The following ALDH2 variants were observed in gnomAD, a reference collection of about 807,000 sequenced individuals.
The protein encoded by ALDH2 is aldehyde dehydrogenase, mitochondrial.
ALDH2 carries 44 observed loss-of-function variants against 59.6 expected under a neutral mutation model. That is an observed-to-expected ratio of 0.74 (90% CI 0.58 to 0.95). The LOEUF (loss-of-function observed/expected upper bound fraction) is 0.95. Among genes scored for constraint, ALDH2 ranks in the 40% least tolerant of loss-of-function variants. ALDH2 has a pLI of 0.00. For missense variants in ALDH2, 570 were observed against 696.3 expected (o/e 0.82, Z 2.04); for synonymous variants, 291 against 284.0 (o/e 1.02, Z -0.25).
rs763568016 is a variant in ALDH2 at position 111,775,754 on chromosome 12, T to C, written c.115-6164T>C. ...AGCTTCGGGTTTCTGGTCAGGAGGT[T>C]ATAAAGCATTTGGCCCAGAGTCTGG... On this transcript the variant is annotated intron_variant, in intron 1 of 12. Coordinates refer to ENST00000261733, the MANE Select transcript of ALDH2 (RefSeq NM_000690.4). 1.8e-4 allele frequency: 79 copies of C among 447,612 alleles called. 1 individual carries two copies. Among genetic ancestry groups the C allele is most frequent in the South Asian group, 1.2e-3 (75 of 63,266 alleles). 27.7% of individuals were successfully genotyped at this position (447,612 alleles called of 1,614,324 possible). A position where few individuals can be genotyped will look rare whatever the true frequency, so the allele number is the denominator to read the frequency against.
At chr12:111,787,513 A>G (rs1425467190) in intron 4 of ALDH2, among the ~76,000 whole-genome samples, 1 of 152,212 alleles carries the variant, frequency 6.6e-6, no homozygotes, top group African/African-American at 2.4e-5. Flanking sequence ...GGGTGGACAG[A>G]TCATTTGTGT....
At chr12:111,791,919 A>G (rs1308748576) in intron 7 of ALDH2, 142 bp from the exon 8 acceptor site, 2 of 657,978 alleles carry the variant, frequency 3.0e-6, no homozygotes, top group Admixed American at 5.9e-5. Flanking sequence ...AAAAAAGTGA[A>G]CGTCTATTTG....
At position 111,792,148 on chromosome 12, in the gene ALDH2, AT is replaced by A. The variant is rs776136452; in HGVS notation, c.884del (p.Met295SerfsTer116). 6.2e-7 allele frequency: 1 copy of A among 1,605,466 alleles called. No individual in the cohort carries two copies. Among genetic ancestry groups the A allele is most frequent in the Admixed American group, 1.8e-5 (1 of 56,728 alleles). On this transcript the variant is annotated frameshift_variant, in exon 8 of 13. Transcript: ENST00000261733. LOFTEE classifies it high-confidence loss of function. Reference sequence around the variant, plus strand: ...GGGGGGGAAGAGCCCCAACATCATCATGTCAGATGCCGATAGTGAGTTTCCA... The same window carrying A: ...GGGGGGGAAGAGCCCCAACATCATCAGTCAGATGCCGATAGTGAGTTTCCA... ...ELGGKSPNII[M>X]SDADMDWAVE... is the part of the protein sequence containing the mutation.
At chr12:111,790,666 T>C in intron 6 of ALDH2, 104 bp downstream of exon 6, 1 of 1,477,366 alleles carries the variant, frequency 6.8e-7, no homozygotes, top group Non-Finnish European at 9.3e-7. Context: ...GGAGGTGTGT[T>C]TGTGGAGCCC....
intron 9 of ALDH2, among the ~76,000 whole-genome samples, chr12:111,797,761 G>T (rs1265160537): frequency 6.6e-6 from 1 of 152,194 alleles, no homozygotes; most frequent in African/African-American, 2.4e-5. Flanking sequence ...TGCTCTAAAG[G>T]CTGTACCAGT....
At chr12:111,809,120 T>C (rs1249665347) in intron 12 of ALDH2, among the ~76,000 whole-genome samples, 2 of 152,062 alleles carry the variant, frequency 1.3e-5, no homozygotes, top group Non-Finnish European at 2.9e-5. Flanking sequence ...AGATTTGAAA[T>C]AGAAATTCTG....
rs1469485981 is a variant in ALDH2 at position 111,766,953 on chromosome 12, G to A, written c.-30G>A. On this transcript the variant is annotated 5_prime_UTR_variant, in exon 1 of 13. Coordinates refer to ENST00000261733, the MANE Select transcript of ALDH2 (RefSeq NM_000690.4). The stretch of plus-strand genomic sequence containing the variant: ...GCCCTGAGACCCTAGCTCTGCTCTC[G>A]GTCCGCTCGCTGTCCGCTAGCCCGC... 5.3e-6 allele frequency: 8 copies of A among 1,511,202 alleles called. No homozygotes were observed. The highest frequency in any genetic ancestry group is 1.4e-5 in the African/African-American group (1 of 69,740). 93.6% of individuals were successfully genotyped at this position (1,511,202 alleles called of 1,614,324 possible). A position where few individuals can be genotyped will look rare whatever the true frequency, so the allele number is the denominator to read the frequency against.
At chr12:111,804,104 A>G in intron 12 of ALDH2, 131 bp downstream of exon 12, 1 of 547,924 alleles carries the variant, frequency 1.8e-6, no homozygotes, top group South Asian at 2.7e-5. Flanking sequence ...CCTGCCGGGG[A>G]CTCAGGGCCT....
At chr12:111,804,208 G>A (rs1194952990) in intron 12 of ALDH2, among the ~76,000 whole-genome samples, 1 of 152,132 alleles carries the variant, frequency 6.6e-6, no homozygotes, top group Non-Finnish European at 1.5e-5. Flanking sequence ...CATGCTTGAG[G>A]CCATCAGTGT....
At chr12:111,775,736 G>C (rs765696142) in intron 1 of ALDH2, 43 of 453,622 alleles carry the variant, frequency 9.5e-5, no homozygotes, top group African/African-American at 7.6e-4. Flanking sequence ...TCGAGCTTCG[G>C]GTTTCTGGTC....
intron 12 of ALDH2, among the ~76,000 whole-genome samples, chr12:111,805,989 C>T (rs1008661221): frequency 2.8e-5 from 4 of 141,808 alleles, no homozygotes; most frequent in Non-Finnish European, 6.1e-5. Flanking sequence ...CACCACTGCA[C>T]TCCAGCCTGG....
rs1020927818 is a variant in ALDH2 at position 111,810,671 on chromosome 12, G to C, written c.*1096G>C. 6.7e-6 allele frequency: 1 copy of C among 150,160 alleles called. No individual in the cohort carries two copies. The highest frequency in any genetic ancestry group is 2.1e-4 in the South Asian group (1 of 4,756). 9.3% of individuals were successfully genotyped at this position (150,160 alleles called of 1,614,324 possible). ...CATCCAGGCTGGAGTGCAGTGGCAC[G>C]ATCATAGCTCACTGCTGCCTCGACC... On this transcript the variant is annotated 3_prime_UTR_variant, in exon 13 of 13. Coordinates refer to ENST00000261733, the MANE Select transcript of ALDH2 (RefSeq NM_000690.4).
At position 111,809,553 on chromosome 12, in the gene ALDH2, A is replaced by G. The variant is rs2068521048; in HGVS notation, c.1532A>G (p.Lys511Arg). ...CTGTCCCCCTTACAGGTCACAGTCA[A>G]AGTGCCTCAGAAGAACTCATAAGAA... is the stretch of plus-strand genomic sequence containing the variant. ...AYTEVKTVTV[K>R]VPQKNS Residue 511 changes from lysine to arginine, a missense_variant, in exon 13 of 13, where the codon AAA becomes AGA. Transcript: ENST00000261733. 6.2e-7 allele frequency: 1 copy of G among 1,614,196 alleles called. No individual in the cohort carries two copies. The highest frequency in any genetic ancestry group is 8.5e-7 in the Non-Finnish European group (1 of 1,180,024).
chr12:111,797,680 A>T (rs558161025), intron 9 of ALDH2, among the ~76,000 whole-genome samples: 1 of 152,274 alleles, frequency 6.6e-6, no homozygotes, highest in East Asian at 1.9e-4. Context: ...TGTAGAATAA[A>T]TTCCTAGAAG....
intron 4 of ALDH2, 117 bp downstream of exon 4, chr12:111,785,463 C>A (rs61941276): frequency 1.2e-6 from 1 of 846,514 alleles, no homozygotes. Context: ...GTATCTCATG[C>A]CTATAATCCC....
intron 4 of ALDH2, among the ~76,000 whole-genome samples, chr12:111,789,238 C>T (rs1266877657): frequency 4.6e-5 from 7 of 151,116 alleles, no homozygotes; most frequent in Non-Finnish European, 8.9e-5. Flanking sequence ...AGGCTGGTCT[C>T]GAACTCCTGA....
chr12:111,789,377 C>T (rs1466156548), intron 4 of ALDH2, among the ~76,000 whole-genome samples: 1 of 151,204 alleles, frequency 6.6e-6, no homozygotes, highest in African/African-American at 2.4e-5. Context: ...CCTGTAATCC[C>T]AGCTACTTGG....
chr12:111,777,509 C>T (rs2068241854), intron 1 of ALDH2, among the ~76,000 whole-genome samples: 1 of 152,140 alleles, frequency 6.6e-6, no homozygotes, highest in Non-Finnish European at 1.5e-5. Context: ...TGCTGTGAGG[C>T]AGTTGTGTGT....
At chr12:111,767,586 G>T (rs964221859) in intron 1 of ALDH2, among the ~76,000 whole-genome samples, 1 of 152,174 alleles carries the variant, frequency 6.6e-6, no homozygotes, top group Non-Finnish European at 1.5e-5. Context: ...CACCATGGGC[G>T]AGGCCACGCT....
Sources: allele counts gnomAD v4.1 joint callset (sites outside exome capture counted in the v4.1 genomes callset), GRCh38; gene constraint gnomAD v4.1.1; transcripts MANE v1.5; gene names NCBI Gene and HGNC (gene_info 2026-07-23, HGNC 2026-07-21).